The following FBXO43 variants were observed in gnomAD, a reference collection of about 807,000 sequenced individuals.
FBXO43 encodes the protein F-box protein 43.
A neutral mutation model predicts 56.7 loss-of-function variants in FBXO43; 22 were observed. That is an observed-to-expected ratio of 0.39 (90% confidence interval 0.28 to 0.55). The LOEUF (loss-of-function observed/expected upper bound fraction) is 0.55. FBXO43 is among the 20% of genes least tolerant of loss of function. The pLI is 0.66. For synonymous variants in FBXO43, 306 were observed against 294.5 expected, an observed-to-expected ratio of 1.04 and a Z score of -0.40; for missense variants, 733 against 814.9, an observed-to-expected ratio of 0.90 and a Z score of 1.22.
chr8:100,144,655 G>C (rs1160194998), intron 1 of FBXO43, among the ~76,000 whole-genome samples: 1 of 148,714 alleles, frequency 6.7e-6, no homozygotes, highest in Non-Finnish European at 1.5e-5. Context: ...GCAGCGGCCG[G>C]GCGCGGTGGC....
At chr8:100,144,486 C>T (rs1814755905) in intron 1 of FBXO43, among the ~76,000 whole-genome samples, 1 of 152,130 alleles carries the variant, frequency 6.6e-6, no homozygotes, top group South Asian at 2.1e-4. Flanking sequence ...TAAAATTATT[C>T]ATGTAAAATC....
Position 100,140,703 on chromosome 8 carries a change from C to A in FBXO43, c.1551G>T (p.Leu517Phe). ...KHILAMVLES[L>F]TAESLCSVWK... The stretch of plus-strand genomic sequence containing the variant: ...CTTACCTGCATAGGCTCTCTGCGGT[C>A]AAGGACTCTAAAACCATAGCAAGAA... The change falls in exon 2 of 5, where the codon TTG becomes TTT. Residue 517 changes from leucine to phenylalanine, a missense_variant. By Grantham distance (22) the Leu-to-Phe change is conservative. Coordinates refer to ENST00000428847, the MANE Select transcript of FBXO43 (RefSeq NM_001029860.4). 6.2e-7 allele frequency: 1 copy of A among 1,604,456 alleles called. No individual in the cohort carries two copies. Among genetic ancestry groups the A allele is most frequent in the South Asian group, 1.1e-5 (1 of 88,620 alleles).
chr8:100,134,095 G>A lies in FBXO43; in HGVS notation c.1879-45C>T. 4 of 1,605,652 alleles carry A rather than the reference G, an allele frequency of 2.5e-6. No homozygotes were observed. In the South Asian group the frequency reaches 4.4e-5, roughly 18 times the overall value. ...ACTAAATCTTCTGGTTTCATATAGAGGAGCACTTTATTTCAAACTCTGTAA... is the reference window on the plus strand; with the variant it reads ...ACTAAATCTTCTGGTTTCATATAGAAGAGCACTTTATTTCAAACTCTGTAA... On this transcript the variant is annotated intron_variant, in intron 4 of 4. Coordinates refer to ENST00000428847, the MANE Select transcript of FBXO43 (RefSeq NM_001029860.4).
intron 1 of FBXO43, 58 bp from the exon 2 acceptor site, chr8:100,142,226 C>A: frequency 2.1e-6 from 3 of 1,402,456 alleles, no homozygotes; most frequent in African/African-American, 1.5e-5. Flanking sequence ...GCAGCTTATA[C>A]CAAAATACAT....
Position 100,141,506 on chromosome 8 carries a change from T to C in FBXO43, c.748A>G (p.Ile250Val), listed in dbSNP as rs761852335. 4 of 1,612,628 alleles carry C rather than the reference T, an allele frequency of 2.5e-6. No individual in the cohort carries two copies. The highest frequency in any genetic ancestry group is 3.4e-6 in the Non-Finnish European group (4 of 1,179,974). The change falls in exon 2 of 5, where the codon ATA (isoleucine) becomes GTA (valine). Residue 250 changes from isoleucine (I) to valine (V), a missense_variant. By Grantham distance (29) the Ile-to-Val change is conservative. Coordinates refer to ENST00000428847, the MANE Select transcript of FBXO43 (RefSeq NM_001029860.4). ...DDCSLFEVEC[I>V]SPIQGNNFKD... The stretch of plus-strand genomic sequence containing the variant: ...AAATTATTGCCCTGAATTGGAGATA[T>C]ACATTCAACTTCAAATAGGCTACAA...
rs74871821 is a variant in FBXO43, at chr8:100,143,788, A to G, written c.85+1263T>C. Among the ~76,000 whole-genome samples, 256 of 152,048 alleles carry G rather than the reference A, an allele frequency of 1.7e-3. 6 individuals are homozygous for G. The East Asian group carries it at 0.044, about 26-fold the overall frequency. ...TTAATTTTTAATTTTTTTATTTTTT[A>G]TGAGACGGAGTCTCGCTTTTTCGCC... On this transcript the variant is annotated intron_variant, in intron 1 of 4. Coordinates refer to ENST00000428847, the MANE Select transcript of FBXO43 (RefSeq NM_001029860.4).
At chr8:100,136,941 G>C (rs1474506859) in intron 3 of FBXO43, 1 of 152,196 alleles carries the variant, frequency 6.6e-6, no homozygotes, top group Non-Finnish European at 1.5e-5. Context: ...AAAAGACTCG[G>C]TTAGAAATGC....
At position 100,137,640 on chromosome 8, in the gene FBXO43, A is replaced by G. The variant is rs1814513688; in HGVS notation, c.1599T>C (p.Arg533=). ...CATTTTTATCTTGAACAACAATTTC[A>G]CGCCAATTTCTGCTTACTTTCCAAA... ...CSVWKVSRNW[R]EIVVQDKNAN... The change falls in exon 3 of 5, where the codon CGT becomes CGC. Residue 533 remains arginine (R), a synonymous_variant. Transcript: ENST00000428847. 6.2e-7 allele frequency: 1 copy of G among 1,612,978 alleles called. No individual in the cohort carries two copies. The highest frequency in any genetic ancestry group is 8.5e-7 in the Non-Finnish European group (1 of 1,179,608).
chr8:100,134,259 C>T lies in FBXO43; in HGVS notation c.1780G>A (p.Glu594Lys), dbSNP rs1271492899. The T allele has an allele frequency of 1.9e-6, 3 of 1,614,140 alleles. No homozygotes were observed. Among genetic ancestry groups the T allele is most frequent in the African/African-American group, 1.3e-5 (1 of 75,056 alleles). Residue 594 changes from glutamate (E) to lysine (K), a missense_variant, in exon 4 of 5, where the codon GAG (glutamate) becomes AAG (lysine). Coordinates refer to ENST00000428847, the MANE Select transcript of FBXO43 (RefSeq NM_001029860.4). ...CAGGGAGATAATGTTGACCCTTGCT[C>T]TCTCTGAGAACCAGGTATCCTAGCC... Reference protein sequence around the residue: ...AQARIPGSQREQGSTLSPWGE... With the variant: ...AQARIPGSQRKQGSTLSPWGE...
Position 100,145,086 on chromosome 8 carries a change from A to G in FBXO43, c.50T>C (p.Val17Ala), listed in dbSNP as rs1563756418. The G allele has an allele frequency of 6.2e-7, 1 of 1,612,482 alleles. No individual in the cohort carries two copies. Among genetic ancestry groups the G allele is most frequent in the Non-Finnish European group, 8.5e-7 (1 of 1,178,810 alleles). ...DERISCLEAY[V>A]TLTSKSSRFT... is the part of the protein sequence containing the mutation. ...TCTTGAGCTCTTAGATGTCAAAGTT[A>G]CGTAGGCTTCCAAACAAGAAATTCT... is the stretch of plus-strand genomic sequence containing the variant. The change falls in exon 1 of 5, where the codon GTA becomes GCA. Residue 17 changes from valine to alanine, a missense_variant. Val to Ala is a moderately conservative substitution (Grantham distance 64). Coordinates refer to ENST00000428847, the MANE Select transcript of FBXO43 (RefSeq NM_001029860.4).
intron 3 of FBXO43, among the ~76,000 whole-genome samples, 188 bp from the exon 4 acceptor site, chr8:100,134,552 A>C (rs767471747): frequency 6.6e-6 from 1 of 152,180 alleles, no homozygotes; most frequent in Non-Finnish European, 1.5e-5. Context: ...TAACATATAA[A>C]AGTTAAATAA....
At chr8:100,143,773 A>AT (rs145313490) in intron 1 of FBXO43, among the ~76,000 whole-genome samples, 4,231 of 152,024 alleles carry the variant, frequency 0.028, 199 homozygotes, top group African/African-American at 0.095. Flanking sequence ...TTAATTTTTA[A>AT]TTTTTTTATT....
chr8:100,140,983 C>A lies in FBXO43; in HGVS notation c.1271G>T (p.Ser424Ile), dbSNP rs1391290588. The part of the protein sequence containing the change: ...ASAISEGQLS[S>I]DESGDLTFSL... ...AAAGGTCAAATCCCCACTCTCATCA[C>A]TACTCAGCTGACCCTCTGAGATGGC... Residue 424 changes from serine to isoleucine, a missense_variant, in exon 2 of 5, where the codon AGT becomes ATT. By Grantham distance (142) the Ser-to-Ile change is moderately radical. Coordinates refer to ENST00000428847, the MANE Select transcript of FBXO43 (RefSeq NM_001029860.4). 4.3e-6 allele frequency: 7 copies of A among 1,614,142 alleles called. No homozygotes were observed. Among genetic ancestry groups the A allele is most frequent in the Non-Finnish European group, 5.1e-6 (6 of 1,180,060 alleles).
Position 100,145,270 on chromosome 8 carries a change from G to A in FBXO43, c.-135C>T, listed in dbSNP as rs1485792237. 2.1e-5 allele frequency: 11 copies of A among 521,196 alleles called. No individual in the cohort carries two copies. Among genetic ancestry groups the A allele is most frequent in the Non-Finnish European group, 3.2e-6 (1 of 310,504 alleles). 32.3% of individuals were successfully genotyped at this position (521,196 alleles called of 1,614,324 possible). ...AGGGATTATTCCTAACACTTGAGAAGGTCTAAATCATTTTGAATTTCCTTC... is the reference window on the plus strand; with the variant it reads ...AGGGATTATTCCTAACACTTGAGAAAGTCTAAATCATTTTGAATTTCCTTC... On this transcript the variant is annotated 5_prime_UTR_variant, in exon 1 of 5. Coordinates refer to ENST00000428847, the MANE Select transcript of FBXO43 (RefSeq NM_001029860.4).
At chr8:100,144,506 CTGTT>C (rs1814756953) in intron 1 of FBXO43, among the ~76,000 whole-genome samples, 2 of 151,880 alleles carry the variant, frequency 1.3e-5, no homozygotes, top group South Asian at 4.2e-4. Flanking sequence ...CATGGACTGT[CTGTT>C]GTATTTTATG....
chr8:100,144,508 G>C (rs1355266068), intron 1 of FBXO43, among the ~76,000 whole-genome samples: 1 of 151,490 alleles, frequency 6.6e-6, no homozygotes, highest in Non-Finnish European at 1.5e-5. Context: ...TGGACTGTCT[G>C]TTGTATTTTA....
In FBXO43 at chr8:100,141,450, A is replaced by G. The variant is rs746342544; in HGVS notation, c.804T>C (p.Asp268=). ...TCTCATCATTAATGCATAAACTGCT[A>G]TCACTAAAGTCATGTGTGATAGAGT... The part of the protein sequence containing the change: ...FKDSITHDFS[D]SSLCINDENA... Residue 268 remains aspartate, a synonymous_variant, in exon 2 of 5, where the codon GAT becomes GAC. Coordinates refer to ENST00000428847, the MANE Select transcript of FBXO43 (RefSeq NM_001029860.4). 10 of 1,613,452 alleles carry G rather than the reference A, an allele frequency of 6.2e-6. No individual in the cohort carries two copies. The highest frequency in any genetic ancestry group is 6.8e-6 in the Non-Finnish European group (8 of 1,180,014).
chr8:100,143,189 G>C (rs571127368), intron 1 of FBXO43, among the ~76,000 whole-genome samples: 85 of 152,244 alleles, frequency 5.6e-4, no homozygotes, highest in African/African-American at 2.0e-3. Context: ...ATTTATTATA[G>C]TTTTTGATAT....
chr8:100,133,493 A>G lies in FBXO43; in HGVS notation c.*309T>C, dbSNP rs2132114930. 1 of 189,744 alleles carries G rather than the reference A, an allele frequency of 5.3e-6. No individual in the cohort carries two copies. Among genetic ancestry groups the G allele is most frequent in the African/African-American group, 2.3e-5 (1 of 43,072 alleles). The allele number at this position is 189,744 out of a possible 1,614,324, so 11.8% of individuals were successfully genotyped here. ...ATTTTTTAAAAAATGATTGAAGAAC[A>G]TGTCAAGAGTGATGAAATGCACAAA... On this transcript the variant is annotated 3_prime_UTR_variant, in exon 5 of 5. Transcript: ENST00000428847.
Sources: allele counts gnomAD v4.1 joint callset (sites outside exome capture counted in the v4.1 genomes callset), GRCh38; gene constraint gnomAD v4.1.1; transcripts MANE v1.5; gene names NCBI Gene and HGNC (gene_info 2026-07-23, HGNC 2026-07-21).